Variants in PLCG2 observed in about 807,000 individuals in gnomAD.
The protein encoded by PLCG2 is 1-phosphatidylinositol 4,5-bisphosphate phosphodiesterase gamma-2.
Under a neutral mutation model 175.6 loss-of-function variants are expected in PLCG2, and 69 were observed. That is an observed-to-expected ratio of 0.39 (90% CI 0.32 to 0.48). PLCG2 has a LOEUF of 0.48. Ranked by LOEUF, PLCG2 falls within the 20% of genes least tolerant of loss-of-function variation. The pLI is 0.91. For missense variants in PLCG2, 1,798 were observed against 1,650.9 expected, an observed-to-expected ratio of 1.09 and a Z score of -1.54; for synonymous variants, 827 against 624.0, an observed-to-expected ratio of 1.33 and a Z score of -4.85.
chr16:81,763,957 T>G (rs530397207), intron 2 of PLCG2, among the ~76,000 whole-genome samples: 30 of 151,512 alleles, frequency 2.0e-4, no homozygotes, highest in Admixed American at 1.3e-3. Context: ...ACAGAGAGAC[T>G]CTGTCTCAAA....
intron 13 of PLCG2, among the ~76,000 whole-genome samples, chr16:81,900,350 G>C (rs1909094579): frequency 6.6e-6 from 1 of 152,198 alleles, no homozygotes; most frequent in Admixed American, 6.5e-5. Context: ...GATATGAATA[G>C]ATGGAAAAAA....
intron 2 of PLCG2, among the ~76,000 whole-genome samples, chr16:81,842,113 C>T (rs994768935): frequency 6.6e-5 from 10 of 152,224 alleles, no homozygotes; most frequent in African/African-American, 9.6e-5. Flanking sequence ...AGGGATGCAA[C>T]GTGCCTGGTT....
chr16:81,883,380 C>T lies in PLCG2; in HGVS notation c.765+39C>T, dbSNP rs201686722. 158 of 1,539,758 alleles carry T rather than the reference C, an allele frequency of 1.0e-4. No individual in the cohort carries two copies. In the African/African-American group the frequency reaches 1.8e-3, roughly 17 times the overall value. On this transcript the variant is annotated intron_variant, in intron 9 of 32. Coordinates refer to ENST00000564138, the MANE Select transcript of PLCG2 (RefSeq NM_002661.5). ...GTGTGTGGGTGCCTGAGGGAGCTGGCGGGATGCTGCTGGGGACTAGTCTCA... is the reference window on the plus strand; with the variant it reads ...GTGTGTGGGTGCCTGAGGGAGCTGGTGGGATGCTGCTGGGGACTAGTCTCA...
intron 2 of PLCG2, among the ~76,000 whole-genome samples, chr16:81,808,293 G>GCC: frequency 6.6e-6 from 1 of 152,052 alleles, no homozygotes; most frequent in Admixed American, 6.6e-5. Flanking sequence ...TGGCTGTTTT[G>GCC]GAGGCAAACC....
At position 81,799,795 on chromosome 16, in the gene PLCG2, G is replaced by T. The variant is rs1407867477; in HGVS notation, c.193+13613G>T. Reference sequence around the variant, plus strand: ...TTTTTAGTGGAGATGGGGTTTCACCGTGTTAGCCAGGATGGTCTCGATCTC... The same window carrying T: ...TTTTTAGTGGAGATGGGGTTTCACCTTGTTAGCCAGGATGGTCTCGATCTC... On this transcript the variant is annotated intron_variant, in intron 2 of 32. Transcript: ENST00000564138. Among the ~76,000 whole-genome samples the T allele has an allele frequency of 2.7e-5, 4 of 150,866 alleles. No homozygotes were observed. The South Asian group carries it at 8.4e-4, about 32-fold the overall frequency.
At chr16:81,873,398 A>G (rs2143540681) in intron 7 of PLCG2, among the ~76,000 whole-genome samples, 1 of 152,384 alleles carries the variant, frequency 6.6e-6, no homozygotes, top group East Asian at 1.9e-4. Flanking sequence ...ATAGTCCTTG[A>G]GAACAATGAC....
chr16:81,922,356 A>T (rs1156270782), intron 21 of PLCG2, among the ~76,000 whole-genome samples: 2 of 152,242 alleles, frequency 1.3e-5, no homozygotes, highest in Non-Finnish European at 1.5e-5. Flanking sequence ...TCTCATCTGC[A>T]AAATGGGCAT....
At chr16:81,748,866 G>T (rs1909753044) in intron 1 of PLCG2, among the ~76,000 whole-genome samples, 1 of 152,202 alleles carries the variant, frequency 6.6e-6, no homozygotes. Context: ...GAAAATTGAG[G>T]CTCAGAGAGG....
intron 22 of PLCG2, 90 bp downstream of exon 22, chr16:81,923,684 C>A (rs1296173553): frequency 9.3e-6 from 7 of 750,356 alleles, no homozygotes; most frequent in East Asian, 8.0e-5. Flanking sequence ...CAAGTCTGAC[C>A]CCCTTTGTCA....
Position 81,869,299 on chromosome 16 carries a change from G to T in PLCG2, c.564+1G>T. 1 of 1,607,638 alleles carries T rather than the reference G, an allele frequency of 6.2e-7. No individual in the cohort carries two copies. The highest frequency in any genetic ancestry group is 8.5e-7 in the Non-Finnish European group (1 of 1,174,070). On this transcript the variant is annotated splice_donor_variant, in intron 6 of 32. Transcript: ENST00000564138. LOFTEE classifies it high-confidence loss of function. ...CAAGTTCCTTAAAGATAAGTTTGTG[G>T]TAAGTTTCATGGCTCAGCCTGGGAA... is the stretch of plus-strand genomic sequence containing the variant.
At chr16:81,824,021 T>A (rs2055473717) in intron 2 of PLCG2, among the ~76,000 whole-genome samples, 1 of 33,174 alleles carries the variant, frequency 3.0e-5, no homozygotes, top group Non-Finnish European at 5.6e-5. Context: ...TTCCTTTCCT[T>A]TCCTTTCCTT....
chr16:81,921,466 C>A (rs1257628203), intron 21 of PLCG2, 197 bp downstream of exon 21: 3 of 627,268 alleles, frequency 4.8e-6, no homozygotes, highest in Non-Finnish European at 8.7e-6. Flanking sequence ...TAATAGAATT[C>A]CATCCAAATG....
chr16:81,816,998 C>T (rs550685271), intron 2 of PLCG2, among the ~76,000 whole-genome samples: 3 of 152,208 alleles, frequency 2.0e-5, no homozygotes, highest in East Asian at 1.9e-4. Flanking sequence ...ATTTATTGCC[C>T]AGAAGGTGAC....
At chr16:81,816,137 G>A (rs1164389217) in intron 2 of PLCG2, among the ~76,000 whole-genome samples, 1 of 150,422 alleles carries the variant, frequency 6.6e-6, no homozygotes, top group African/African-American at 2.4e-5. Flanking sequence ...TTGGGAGGCT[G>A]AGGCAGGAGG....
At chr16:81,909,900 G>C (rs1052534460) in intron 17 of PLCG2, among the ~76,000 whole-genome samples, 1 of 151,868 alleles carries the variant, frequency 6.6e-6, no homozygotes, top group Non-Finnish European at 1.5e-5. Flanking sequence ...GGCTCAGACA[G>C]CACGGGTGAC....
At chr16:81,796,333 G>T (rs1911468044) in intron 2 of PLCG2, among the ~76,000 whole-genome samples, 1 of 152,212 alleles carries the variant, frequency 6.6e-6, no homozygotes, top group Non-Finnish European at 1.5e-5. Context: ...ACCTCCCAAG[G>T]ATGGACCCCT....
At chr16:81,936,500 C>T in intron 27 of PLCG2, 122 bp downstream of exon 27, 1 of 761,754 alleles carries the variant, frequency 1.3e-6, no homozygotes, top group Non-Finnish European at 2.2e-6. Context: ...GTCCGAGGGA[C>T]TGCACGGTTC....
intron 2 of PLCG2, among the ~76,000 whole-genome samples, chr16:81,809,097 T>G (rs137994706): frequency 2.1e-3 from 318 of 152,326 alleles, no homozygotes; most frequent in South Asian, 0.013. Flanking sequence ...AAGCCAGGCC[T>G]GGTCTCTCTG....
intron 2 of PLCG2, among the ~76,000 whole-genome samples, chr16:81,846,667 G>C (rs1013014067): frequency 6.6e-6 from 1 of 152,190 alleles, no homozygotes; most frequent in African/African-American, 2.4e-5. Context: ...TTCATGGATA[G>C]GAAGACTCAA....
Sources: allele counts gnomAD v4.1 joint callset (sites outside exome capture counted in the v4.1 genomes callset), GRCh38; gene constraint gnomAD v4.1.1; transcripts MANE v1.5; gene names NCBI Gene and HGNC (gene_info 2026-07-23, HGNC 2026-07-21).